PLD1: variants seen among roughly 807,000 people sequenced by gnomAD.
The protein encoded by PLD1 is phospholipase D1, also known as choline phosphatase 1.
A neutral mutation model predicts 137.1 loss-of-function variants in PLD1; 112 were observed. The ratio of observed to expected loss-of-function variants is 0.82; its 90% confidence interval spans 0.70 to 0.96. The LOEUF (loss-of-function observed/expected upper bound fraction) is 0.96. Among genes scored for constraint, PLD1 ranks in the 40% least tolerant of loss-of-function variants. PLD1 has a pLI of 0.00. For missense variants in PLD1, 1,321 were observed against 1,342.0 expected (o/e 0.98, Z 0.24); for synonymous variants, 431 against 454.7 (o/e 0.95, Z 0.66).
intron 1 of PLD1, among the ~76,000 whole-genome samples, chr3:171,751,133 C>T (rs1282780779): frequency 6.6e-6 from 1 of 152,132 alleles, no homozygotes; most frequent in Non-Finnish European, 1.5e-5. Flanking sequence ...AAAATTAGTT[C>T]TCTACCTCAA....
chr3:171,604,787 C>G (rs1732078334), intron 26 of PLD1, among the ~76,000 whole-genome samples: 1 of 152,194 alleles, frequency 6.6e-6, no homozygotes, highest in African/African-American at 2.4e-5. Flanking sequence ...AGGATGAATA[C>G]TGTTTACTAT....
chr3:171,608,610 A>C (rs1183428362), intron 25 of PLD1, among the ~76,000 whole-genome samples: 3 of 152,224 alleles, frequency 2.0e-5, no homozygotes, highest in Non-Finnish European at 4.4e-5. Flanking sequence ...ACTAGCGAGA[A>C]GCCAGAACAG....
chr3:171,620,537 AAATT>A lies in PLD1; in HGVS notation c.2594-21_2594-18del. 1 of 1,445,950 alleles carries A rather than the reference AAATT, an allele frequency of 6.9e-7. No homozygotes were observed. Among genetic ancestry groups the A allele is most frequent in the Non-Finnish European group, 9.6e-7 (1 of 1,039,088 alleles). 89.6% of individuals were successfully genotyped at this position (1,445,950 alleles called of 1,614,324 possible). ...GATTACCAACTGCAAATTTAAAAAG[AAATT>A]ATTAAAATTAATATGACCAAGCTCA... On this transcript the variant is annotated intron_variant, in intron 23 of 26. Coordinates refer to ENST00000351298, the MANE Select transcript of PLD1 (RefSeq NM_002662.5).
At position 171,746,075 on chromosome 3, in the gene PLD1, G is replaced by A. The variant is rs988904779; in HGVS notation, c.-31-7993C>T. Among the ~76,000 whole-genome samples, 16 of 152,286 alleles carry A rather than the reference G, an allele frequency of 1.1e-4. No homozygotes were observed. In the South Asian group the frequency reaches 2.1e-3, roughly 20 times the overall value. The stretch of plus-strand genomic sequence containing the variant: ...CCGGGTCCCCCAGCACTGCCGGCCC[G>A]CCCCACTGCGCTTGAATTCTCACTG... On this transcript the variant is annotated intron_variant, in intron 1 of 26. Transcript: ENST00000351298.
rs376762949 is a variant in PLD1, at chr3:171,701,544, CAT to C, written c.1146-1720_1146-1719del. On this transcript the variant is annotated intron_variant, in intron 11 of 26. Coordinates refer to ENST00000351298, the MANE Select transcript of PLD1 (RefSeq NM_002662.5). ...TCATTTATTTCATTTAATCCACAAACATGTGTACCCTTGTATGCTAAGCATTC... is the reference window on the plus strand; with the variant it reads ...TCATTTATTTCATTTAATCCACAAACGTGTACCCTTGTATGCTAAGCATTC... Among the ~76,000 whole-genome samples, 209 of 152,300 alleles carry C rather than the reference CAT, an allele frequency of 1.4e-3. 3 individuals carry two copies. Among genetic ancestry groups the C allele is most frequent in the African/African-American group, 4.8e-3 (199 of 41,570 alleles).
intron 23 of PLD1, among the ~76,000 whole-genome samples, chr3:171,639,541 A>ATAATATATATTCATAT: frequency 1.4e-5 from 1 of 73,868 alleles, no homozygotes; most frequent in Non-Finnish European, 2.4e-5. Flanking sequence ...TATATTATAT[A>ATAATATATATTCATAT]AATATATATT....
chr3:171,727,533 T>C (rs1050456807), intron 6 of PLD1, among the ~76,000 whole-genome samples: 1 of 152,194 alleles, frequency 6.6e-6, no homozygotes, highest in Admixed American at 6.5e-5. Flanking sequence ...GCCATGTCAA[T>C]AGCAGCCTTG....
intron 12 of PLD1, among the ~76,000 whole-genome samples, chr3:171,696,247 T>C (rs2108532280): frequency 6.6e-6 from 1 of 152,344 alleles, no homozygotes; most frequent in East Asian, 1.9e-4. Flanking sequence ...ATGCAGCTTA[T>C]CTCACCTCTT....
Position 171,612,025 on chromosome 3 carries a change from T to A in PLD1, c.2882+254A>T, listed in dbSNP as rs1732698893. 6.6e-6 allele frequency among the ~76,000 whole-genome samples: 1 copy of A among 152,156 alleles called. No homozygotes were observed. Among genetic ancestry groups the A allele is most frequent in the Non-Finnish European group, 1.5e-5 (1 of 68,006 alleles). On this transcript the variant is annotated intron_variant, in intron 25 of 26. Transcript: ENST00000351298. This position sits in a 1 kb window ranked among gnomAD's most constrained non-coding sequence, Gnocchi z 4.1. ...TGAGCCTAGGAATTCAAGGATGCAA[T>A]GAGCTGTAACTGCACCACTGCAGTT...
At chr3:171,621,738 G>A (rs937368491) in intron 23 of PLD1, among the ~76,000 whole-genome samples, 2 of 152,058 alleles carry the variant, frequency 1.3e-5, no homozygotes, top group Non-Finnish European at 2.9e-5. Flanking sequence ...ATGTAAATGA[G>A]GTTTTTGCAA....
chr3:171,603,230 A>T lies in PLD1; in HGVS notation c.3073T>A (p.Leu1025Ile), dbSNP rs1454573682. ...QLRDFINKPVLAKEDPIRAEE... is the reference protein window; with the variant it reads ...QLRDFINKPVIAKEDPIRAEE... ...GCTCGAATGGGATCTTCCTTAGCTA[A>T]TACGGGCTTGTTTATAAAGTCTCTC... The change falls in exon 27 of 27, where the codon TTA (leucine) becomes ATA (isoleucine). Residue 1025 changes from leucine (L) to isoleucine (I), a missense_variant. Coordinates refer to ENST00000351298, the MANE Select transcript of PLD1 (RefSeq NM_002662.5). 1 of 1,614,114 alleles carries T rather than the reference A, an allele frequency of 6.2e-7. No homozygotes were observed. The highest frequency in any genetic ancestry group is 1.7e-5 in the Admixed American group (1 of 60,002).
At chr3:171,615,060 T>C (rs746393554) in intron 24 of PLD1, among the ~76,000 whole-genome samples, 1 of 152,232 alleles carries the variant, frequency 6.6e-6, no homozygotes, top group Non-Finnish European at 1.5e-5. Flanking sequence ...GAGAAAATTT[T>C]AGATGAATGA....
chr3:171,694,503 C>A (rs1715501155), intron 12 of PLD1, among the ~76,000 whole-genome samples: 1 of 151,054 alleles, frequency 6.6e-6, no homozygotes, highest in African/African-American at 2.4e-5. Flanking sequence ...CTCTACTGTT[C>A]AGTTCTATTT....
intron 20 of PLD1, 114 bp downstream of exon 20, chr3:171,661,946 G>A (rs945577491): frequency 2.3e-5 from 13 of 567,416 alleles, no homozygotes; most frequent in Admixed American, 6.4e-5. Flanking sequence ...CACTTTTCAC[G>A]CCTCAAAATA....
rs1303775031 is a variant in PLD1 at position 171,605,293 on chromosome 3, C to T, written c.3000+6G>A. ...GAAACGGAGGAGGGGAATACGTGAACTTCACCTTGTCATAAATTGTAGCAT... is the reference window on the plus strand; with the variant it reads ...GAAACGGAGGAGGGGAATACGTGAATTTCACCTTGTCATAAATTGTAGCAT... On this transcript the variant is annotated splice_donor_region_variant and intron_variant, in intron 26 of 26. Coordinates refer to ENST00000351298, the MANE Select transcript of PLD1 (RefSeq NM_002662.5). The T allele has an allele frequency of 1.3e-6, 2 of 1,523,344 alleles. No individual in the cohort carries two copies. Among genetic ancestry groups the T allele is most frequent in the Non-Finnish European group, 1.8e-6 (2 of 1,097,248 alleles). The allele number at this position is 1,523,344 out of a possible 1,614,324, so 94.4% of individuals were successfully genotyped here.
intron 1 of PLD1, chr3:171,789,757 A>C (rs1723147532): frequency 6.6e-6 from 1 of 152,248 alleles, no homozygotes; most frequent in Non-Finnish European, 1.5e-5. Context: ...CATTAATACC[A>C]GTTCCTGATT....
chr3:171,670,024 CTA>C (rs1220102859), intron 19 of PLD1, among the ~76,000 whole-genome samples: 1 of 152,136 alleles, frequency 6.6e-6, no homozygotes, highest in African/African-American at 2.4e-5. Flanking sequence ...GAACAGTCAA[CTA>C]TGTTAAAATC....
chr3:171,674,119 G>C (rs1472060966), intron 19 of PLD1, among the ~76,000 whole-genome samples: 1 of 152,172 alleles, frequency 6.6e-6, no homozygotes, highest in East Asian at 1.9e-4. Context: ...TGGTTAATCA[G>C]GAACTAAAAT....
chr3:171,744,263 T>C (rs977714930), intron 1 of PLD1, among the ~76,000 whole-genome samples: 2 of 152,184 alleles, frequency 1.3e-5, no homozygotes, highest in Admixed American at 6.5e-5. Flanking sequence ...GCTCTCAGCC[T>C]GGCTCTGGCT....
Sources: allele counts gnomAD v4.1 joint callset (sites outside exome capture counted in the v4.1 genomes callset), GRCh38; gene constraint gnomAD v4.1.1; non-coding constraint Gnocchi (gnomAD v3.1); transcripts MANE v1.5; gene names NCBI Gene and HGNC (gene_info 2026-07-23, HGNC 2026-07-21).